RPS6KC1: variants seen among roughly 807,000 people sequenced by gnomAD.
RPS6KC1 encodes the protein inactive ribosomal protein S6 kinase delta-1.
A neutral mutation model predicts 103.8 loss-of-function variants in RPS6KC1; 54 were observed. The observed-to-expected ratio is 0.52, with a 90% CI of 0.42 to 0.65. The LOEUF is 0.65. RPS6KC1 is among the 30% of genes least tolerant of loss of function. The probability of loss-of-function intolerance (pLI) is 0.00; values close to 1 mark genes in which losing one functional copy is unlikely to be tolerated. For missense variants in RPS6KC1, 1,151 were observed against 1,253.8 expected (o/e 0.92, Z 1.24); for synonymous variants, 439 against 438.7 (o/e 1.00, Z -0.01).
At chr1:213,650,064 A>G in the RPS6KC1 span, among the ~76,000 whole-genome samples, 9 of 152,192 alleles carry the variant, frequency 5.9e-5, no homozygotes, top group Non-Finnish European at 5.9e-5. Flanking sequence ...TGGCCTTGTC[A>G]TACGGCTGAT....
rs762999324 is a variant in RPS6KC1 at position 213,272,658 on chromosome 1, A to G, written c.*24A>G. ...GAACGTAATGCAGGGTTATCTTCAC[A>G]CATTCTGATCTTCTCTGTGACAGGC... On this transcript the variant is annotated 3_prime_UTR_variant, in exon 15 of 15. Coordinates refer to ENST00000366960, the MANE Select transcript of RPS6KC1 (RefSeq NM_012424.6). 4.5e-6 allele frequency: 7 copies of G among 1,539,810 alleles called. No individual in the cohort carries two copies. The Admixed American group carries it at 5.0e-5, about 11-fold the overall frequency.
At chr1:213,477,272 G>A in the RPS6KC1 span, among the ~76,000 whole-genome samples, 1 of 151,872 alleles carries the variant, frequency 6.6e-6, no homozygotes, top group Admixed American at 6.6e-5. Flanking sequence ...AAAAGCATAA[G>A]TATTCTGTTT....
At chr1:213,595,456 T>C in the RPS6KC1 span, among the ~76,000 whole-genome samples, 1 of 152,188 alleles carries the variant, frequency 6.6e-6, no homozygotes, top group Non-Finnish European at 1.5e-5. Context: ...GTCCATTTCT[T>C]CTCATTGTTG....
chr1:213,254,179 AG>A (rs1156497195), intron 12 of RPS6KC1, among the ~76,000 whole-genome samples: 1 of 152,232 alleles, frequency 6.6e-6, no homozygotes, highest in Non-Finnish European at 1.5e-5. Context: ...TTGAATCATT[AG>A]TATTAATCAG....
the RPS6KC1 span, among the ~76,000 whole-genome samples, chr1:213,541,760 A>AT: frequency 1.3e-5 from 2 of 152,154 alleles, no homozygotes; most frequent in Non-Finnish European, 2.9e-5. Flanking sequence ...TATATGACCC[A>AT]TTGCACAAGC....
At chr1:213,774,012 C>T in the RPS6KC1 span, among the ~76,000 whole-genome samples, 2 of 152,188 alleles carry the variant, frequency 1.3e-5, no homozygotes, top group African/African-American at 4.8e-5. Flanking sequence ...TCCATGCTGT[C>T]AGGGTATGTG....
At chr1:213,466,580 G>A in the RPS6KC1 span, among the ~76,000 whole-genome samples, 2 of 152,292 alleles carry the variant, frequency 1.3e-5, no homozygotes, top group South Asian at 2.1e-4. Context: ...GCTTCTGGTT[G>A]TACATTTGTA....
the RPS6KC1 span, among the ~76,000 whole-genome samples, chr1:213,453,683 C>A: frequency 2.2e-4 from 33 of 152,242 alleles, 1 homozygote; most frequent in South Asian, 3.1e-3. Context: ...TTTGGGGTAA[C>A]AGTAAAAAGT....
the RPS6KC1 span, among the ~76,000 whole-genome samples, chr1:213,427,721 G>T: frequency 6.6e-6 from 1 of 152,198 alleles, no homozygotes; most frequent in South Asian, 2.1e-4. Flanking sequence ...ATGCAGTCAA[G>T]AAGTCTTTCT....
At chr1:213,616,467 G>A in the RPS6KC1 span, among the ~76,000 whole-genome samples, 1 of 152,184 alleles carries the variant, frequency 6.6e-6, no homozygotes, top group Non-Finnish European at 1.5e-5. Flanking sequence ...GGTCGAAGAA[G>A]TTGCTGGAGA....
chr1:213,827,434 G>A, the RPS6KC1 span, among the ~76,000 whole-genome samples: 5 of 152,172 alleles, frequency 3.3e-5, no homozygotes, highest in African/African-American at 4.8e-5. Context: ...TCGCCATAGA[G>A]GGCTGTGAGT....
At chr1:213,531,793 G>T in the RPS6KC1 span, among the ~76,000 whole-genome samples, 1 of 152,176 alleles carries the variant, frequency 6.6e-6, no homozygotes, top group African/African-American at 2.4e-5. Context: ...TTGTACCTGT[G>T]CTGCGGTTTC....
At chr1:213,279,305 A>G (rs889142917), downstream of RPS6KC1, among the ~76,000 whole-genome samples, 10 of 152,258 alleles carry the variant, frequency 6.6e-5, 1 homozygote, top group South Asian at 4.1e-4. Context: ...ATCCTCATCT[A>G]TTTCTCTCAA....
the RPS6KC1 span, among the ~76,000 whole-genome samples, chr1:213,540,933 C>G: frequency 1.3e-5 from 2 of 152,006 alleles, no homozygotes; most frequent in African/African-American, 2.4e-5. Context: ...CCATAGGAAG[C>G]AACTCCTCAT....
chr1:213,319,736 T>G, the RPS6KC1 span, among the ~76,000 whole-genome samples: 93 of 152,322 alleles, frequency 6.1e-4, 1 homozygote, highest in East Asian at 0.013. Flanking sequence ...CATCTCACAT[T>G]GGAGCTATGC....
At chr1:213,073,720 G>C (rs186834398) in intron 2 of RPS6KC1, among the ~76,000 whole-genome samples, 186 of 152,130 alleles carry the variant, frequency 1.2e-3, no homozygotes, top group South Asian at 2.9e-3. Flanking sequence ...CTGTCACCCA[G>C]ACTGGAGTGC....
At chr1:213,101,553 C>T (rs577477925) in intron 3 of RPS6KC1, among the ~76,000 whole-genome samples, 1 of 152,196 alleles carries the variant, frequency 6.6e-6, no homozygotes, top group South Asian at 2.1e-4. Context: ...AAGATTAAAG[C>T]CTCCAATTTT....
chr1:213,235,488 T>G lies in RPS6KC1; in HGVS notation c.1225+3233T>G, dbSNP rs551969378. The stretch of plus-strand genomic sequence containing the variant: ...GTGAGAGGGGTGGTTTGCTATTTTA[T>G]ATAGGGTGGTCATCTTATTGAGAAG... On this transcript the variant is annotated intron_variant, in intron 10 of 14. Coordinates refer to ENST00000366960, the MANE Select transcript of RPS6KC1 (RefSeq NM_012424.6). 2.0e-5 allele frequency among the ~76,000 whole-genome samples: 3 copies of G among 152,208 alleles called. No individual in the cohort carries two copies. In the South Asian group the frequency reaches 6.2e-4, roughly 32 times the overall value.
chr1:213,125,431 A>G (rs1262750955), intron 5 of RPS6KC1, among the ~76,000 whole-genome samples: 1 of 152,088 alleles, frequency 6.6e-6, no homozygotes, highest in East Asian at 1.9e-4. Context: ...ACAGATGGAC[A>G]TTCTTGTATG....
Sources: gnomAD v4.1 joint callset for allele counts (sites outside exome capture counted in the v4.1 genomes callset) on GRCh38, gnomAD v4.1.1 for gene constraint, MANE v1.5 for transcripts, NCBI Gene and HGNC (gene_info 2026-07-23, HGNC 2026-07-21) for gene names.